ASAH2: variants seen among roughly 807,000 people sequenced by gnomAD.
ASAH2 encodes the protein neutral ceramidase.
Under a neutral mutation model 82.9 loss-of-function variants are expected in ASAH2, and 58 were observed. The ratio of observed to expected loss-of-function variants is 0.70; its 90% confidence interval spans 0.57 to 0.87. The LOEUF is 0.87. Among genes scored for constraint, ASAH2 ranks in the 40% least tolerant of loss-of-function variants. The pLI, the probability that ASAH2 is intolerant of heterozygous loss-of-function variation, is 0.00. For synonymous variants in ASAH2, 276 were observed against 289.7 expected (o/e 0.95, Z 0.48); for missense variants, 779 against 834.0 (o/e 0.93, Z 0.81).
chr10:50,214,641 G>A, intron 9 of ASAH2, 102 bp downstream of exon 9: 2 of 1,432,720 alleles, frequency 1.4e-6, no homozygotes, highest in Non-Finnish European at 2.0e-6. Context: ...CTAGGCCAGT[G>A]TATACTAGAA....
intron 17 of ASAH2, among the ~76,000 whole-genome samples, chr10:50,197,576 C>T (rs1589320760): frequency 6.6e-6 from 1 of 151,826 alleles, no homozygotes; most frequent in Non-Finnish European, 1.5e-5. Context: ...CTCTTTATTC[C>T]TCACATTATA....
chr10:50,243,160 C>T, intron 4 of ASAH2, 42 bp downstream of exon 4: 2 of 1,607,900 alleles, frequency 1.2e-6, no homozygotes, highest in Non-Finnish European at 1.7e-6. Flanking sequence ...TTTCCTTAAA[C>T]CATATCATTT....
chr10:50,205,943 C>A (rs1282658906), intron 13 of ASAH2, 39 bp downstream of exon 13: 1 of 1,441,300 alleles, frequency 6.9e-7, no homozygotes, highest in Non-Finnish European at 9.8e-7. Context: ...TTAAAAATAA[C>A]AATATGCTAA....
At position 50,206,135 on chromosome 10, in the gene ASAH2, C is replaced by T. The variant is rs779301748; in HGVS notation, c.1415-38G>A. Reference sequence around the variant, plus strand: ...TTATAATTAGTATACTTCCTTGAACCAACCCTCTCAAAAAAGTCATTATCT... The same window carrying T: ...TTATAATTAGTATACTTCCTTGAACTAACCCTCTCAAAAAAGTCATTATCT... On this transcript the variant is annotated intron_variant, in intron 12 of 20. Coordinates refer to ENST00000682911, the MANE Select transcript of ASAH2 (RefSeq NM_019893.4). 8.6e-6 allele frequency: 12 copies of T among 1,398,160 alleles called. No individual in the cohort carries two copies. In the African/African-American group the frequency reaches 1.3e-4, roughly 15 times the overall value. The allele number at this position is 1,398,160 out of a possible 1,614,324, so 86.6% of individuals were successfully genotyped here.
intron 16 of ASAH2, among the ~76,000 whole-genome samples, chr10:50,200,683 A>AG (rs1845123498): frequency 6.6e-6 from 1 of 152,056 alleles, no homozygotes. Flanking sequence ...TCTTGAGGGA[A>AG]GGGACAGATT....
chr10:50,220,836 CAAAAAAAAAA>C (rs1206033397), intron 7 of ASAH2, among the ~76,000 whole-genome samples: 7 of 76,214 alleles, frequency 9.2e-5, no homozygotes, highest in African/African-American at 2.8e-4. Context: ...ATACTCTAGC[CAAAAAAAAAA>C]AAAAAAAAAA....
intron 4 of ASAH2, among the ~76,000 whole-genome samples, chr10:50,236,689 A>T (rs1208218732): frequency 6.6e-6 from 1 of 152,158 alleles, no homozygotes; most frequent in Non-Finnish European, 1.5e-5. Context: ...TTATGTATTT[A>T]AAAATCTTTA....
intron 2 of ASAH2, among the ~76,000 whole-genome samples, chr10:50,247,859 TA>T (rs1702316261): frequency 6.6e-6 from 1 of 152,022 alleles, no homozygotes; most frequent in Non-Finnish European, 1.5e-5. Context: ...ATGAGATATC[TA>T]AAAATTCCAA....
At chr10:50,220,550 CAT>C (rs1845715306) in intron 7 of ASAH2, among the ~76,000 whole-genome samples, 1 of 152,106 alleles carries the variant, frequency 6.6e-6, no homozygotes. Context: ...CCAAATACCA[CAT>C]GTTCTCACTT....
intron 12 of ASAH2, among the ~76,000 whole-genome samples, chr10:50,207,347 G>T (rs966064322): frequency 2.1e-4 from 32 of 151,826 alleles, no homozygotes; most frequent in Admixed American, 4.6e-4. Flanking sequence ...CAATTAAACA[G>T]TGAGTAGAAA....
At chr10:50,217,449 G>A (rs1368284937) in intron 8 of ASAH2, among the ~76,000 whole-genome samples, 12 of 152,064 alleles carry the variant, frequency 7.9e-5, no homozygotes, top group Admixed American at 3.3e-4. Context: ...GGCTGGTCTC[G>A]AACTCCTGAC....
chr10:50,204,037 A>G (rs1433278134), intron 14 of ASAH2, among the ~76,000 whole-genome samples: 1 of 152,024 alleles, frequency 6.6e-6, no homozygotes, highest in Non-Finnish European at 1.5e-5. Flanking sequence ...AGTGTAATAA[A>G]GCCAATGTGG....
At chr10:50,213,827 C>CTTTA (rs1845527019) in intron 9 of ASAH2, among the ~76,000 whole-genome samples, 1 of 152,072 alleles carries the variant, frequency 6.6e-6, no homozygotes, top group Non-Finnish European at 1.5e-5. Flanking sequence ...AGAAAAAAAT[C>CTTTA]TTTATTAATA....
At chr10:50,211,284 C>A (rs1220411610) in intron 10 of ASAH2, 150 bp from the exon 11 acceptor site, 9 of 681,560 alleles carry the variant, frequency 1.3e-5, no homozygotes, top group African/African-American at 5.4e-5. Context: ...GGCCACCAAC[C>A]ACATGGGTCT....
intron 16 of ASAH2, among the ~76,000 whole-genome samples, chr10:50,200,955 C>T (rs922007227): frequency 4.6e-5 from 7 of 152,016 alleles, no homozygotes; most frequent in African/African-American, 7.2e-5. Flanking sequence ...TTGTTCACTA[C>T]GCCCCCCTAT....
chr10:50,205,465 T>A (rs1021679824), intron 13 of ASAH2, among the ~76,000 whole-genome samples: 5 of 152,028 alleles, frequency 3.3e-5, no homozygotes, highest in African/African-American at 7.2e-5. Flanking sequence ...AAAAATGTAT[T>A]TTTAAAATGC....
rs190475293 is a variant in ASAH2 at position 50,241,320 on chromosome 10, C to T, written c.510+1882G>A. ...GGGTAATTTCCTACTCAGTAATAGA[C>T]AATTACTATCCCACTGTACCTTCCT... On this transcript the variant is annotated intron_variant, in intron 4 of 20. Transcript: ENST00000682911. 1.8e-4 allele frequency among the ~76,000 whole-genome samples: 27 copies of T among 152,330 alleles called. No individual in the cohort carries two copies. In the East Asian group the frequency reaches 2.3e-3, roughly 13 times the overall value.
In ASAH2 at chr10:50,195,564, A is replaced by T. The variant is rs1844953211; in HGVS notation, c.2004+1209T>A. On this transcript the variant is annotated intron_variant, in intron 18 of 20. Coordinates refer to ENST00000682911, the MANE Select transcript of ASAH2 (RefSeq NM_019893.4). ...CTGGGTATATAGAGAAAGGAAATGA[A>T]ATCAGTTTGTTGAAGAGATATGTGA... Among the ~76,000 whole-genome samples, 5 of 151,378 alleles carry T rather than the reference A, an allele frequency of 3.3e-5. No homozygotes were observed. The South Asian group carries it at 1.0e-3, about 32-fold the overall frequency.
intron 15 of ASAH2, 64 bp from the exon 16 acceptor site, chr10:50,202,988 T>C: frequency 1.1e-5 from 12 of 1,090,558 alleles, no homozygotes; most frequent in Non-Finnish European, 1.7e-5. Context: ...TTCATTCTGT[T>C]ATCCTTAACA....
Sources: allele counts gnomAD v4.1 joint callset (sites outside exome capture counted in the v4.1 genomes callset), GRCh38; gene constraint gnomAD v4.1.1; transcripts MANE v1.5; gene names NCBI Gene and HGNC (gene_info 2026-07-23, HGNC 2026-07-21).